Variants in TXLNA observed in about 807,000 individuals in gnomAD.
The protein encoded by TXLNA is taxilin alpha, also known as alpha-taxilin.
Under a neutral mutation model 61.4 loss-of-function variants are expected in TXLNA, and 9 were observed. The ratio of observed to expected loss-of-function variants is 0.15; its 90% CI spans 0.09 to 0.26. The LOEUF (loss-of-function observed/expected upper bound fraction) is 0.26. Among genes scored for constraint, TXLNA ranks in the 10% least tolerant of loss-of-function variants. TXLNA has a pLI of 1.00. For missense variants in TXLNA, 565 were observed against 688.8 expected, an observed-to-expected ratio of 0.82 and a Z score of 2.01; for synonymous variants, 257 against 267.7, an observed-to-expected ratio of 0.96 and a Z score of 0.39.
chr1:32,181,474 A>G lies in TXLNA; in HGVS notation c.402A>G (p.Glu134=). 1 of 1,613,020 alleles carries G rather than the reference A, an allele frequency of 6.2e-7. No homozygotes were observed. The highest frequency in any genetic ancestry group is 8.5e-7 in the Non-Finnish European group (1 of 1,179,540). ...EPTPVVNGEK[E]PSKGDPNTEE... is the part of the protein sequence containing the mutation. ...CTCCAGTAGTCAATGGAGAGAAGGA[A>G]CCCTCCAAGGGGGATCCAAACACAG... Residue 134 remains glutamate, a synonymous_variant, in exon 3 of 11, where the codon GAA becomes GAG. Transcript: ENST00000373610.
chr1:32,193,627 G>GC (rs1395279943), intron 9 of TXLNA, among the ~76,000 whole-genome samples: 4 of 151,976 alleles, frequency 2.6e-5, no homozygotes, highest in Admixed American at 6.6e-5. Flanking sequence ...TGCAGCCTTT[G>GC]CCCCCCGGGT....
chr1:32,187,877 C>A lies in TXLNA; in HGVS notation c.598-77C>A, dbSNP rs1373519666. The A allele has an allele frequency of 4.6e-6, 7 of 1,514,986 alleles. No individual in the cohort carries two copies. The African/African-American group carries it at 9.6e-5, about 21-fold the overall frequency. The allele number at this position is 1,514,986 out of a possible 1,614,324, so 93.8% of individuals were successfully genotyped here. The stretch of plus-strand genomic sequence containing the variant: ...TAAGGGTCAGGGCAGCTCAGGAGAC[C>A]CTAGACCTGCATAGTGATCCCCCCA... On this transcript the variant is annotated intron_variant, in intron 4 of 10. Coordinates refer to ENST00000373610, the MANE Select transcript of TXLNA (RefSeq NM_175852.4).
At chr1:32,183,959 G>A (rs545364035) in intron 3 of TXLNA, among the ~76,000 whole-genome samples, 1 of 151,548 alleles carries the variant, frequency 6.6e-6, no homozygotes, top group Non-Finnish European at 1.5e-5. Context: ...GGATGGTCTC[G>A]ATCTCTTGAC....
At chr1:32,188,329 T>G (rs1642833215) in intron 5 of TXLNA, among the ~76,000 whole-genome samples, 1 of 152,212 alleles carries the variant, frequency 6.6e-6, no homozygotes, top group Non-Finnish European at 1.5e-5. Flanking sequence ...CATTACAATT[T>G]CAACATGAAA....
chr1:32,180,111 C>T (rs1339120160), intron 1 of TXLNA: 4 of 490,964 alleles, frequency 8.1e-6, no homozygotes, highest in Admixed American at 3.9e-5. Context: ...CCCTCACCCG[C>T]TGTGGGAGCT....
In TXLNA at chr1:32,195,960, T is replaced by C. The variant is rs1031222334; in HGVS notation, c.*765T>C. 21 of 199,822 alleles carry C rather than the reference T, an allele frequency of 1.1e-4. No individual in the cohort carries two copies. The highest frequency in any genetic ancestry group is 4.5e-3 in the Middle Eastern group (2 of 440). The allele number at this position is 199,822 out of a possible 1,614,324, so 12.4% of individuals were successfully genotyped here. ...AAAGGATTATTTCTGAAGGTGTTTTTTTCTTTATTTCTTTTTCTTTTTTTT... is the reference window on the plus strand; with the variant it reads ...AAAGGATTATTTCTGAAGGTGTTTTCTTCTTTATTTCTTTTTCTTTTTTTT... On this transcript the variant is annotated 3_prime_UTR_variant, in exon 11 of 11. Coordinates refer to ENST00000373610, the MANE Select transcript of TXLNA (RefSeq NM_175852.4).
chr1:32,195,060 G>C lies in TXLNA; in HGVS notation c.1506G>C (p.Glu502Asp), dbSNP rs1162184748. ...GCTCCCTCACTGACAGTGGCCCTGA[G>C]AGGAGGCCAGAGGGGCCTGGGGCTC... is the stretch of plus-strand genomic sequence containing the variant. The part of the protein sequence containing the change: ...GQGSLTDSGP[E>D]RRPEGPGAQA... The change falls in exon 11 of 11, where the codon GAG becomes GAC. Residue 502 changes from glutamate to aspartate, a missense_variant. Glu to Asp is a conservative substitution (Grantham distance 45). Around this residue, in one of 2 missense-constraint regions of TXLNA, gnomAD observed 373 missense variants for 504.0 expected, o/e 0.74. Transcript: ENST00000373610. The C allele has an allele frequency of 6.2e-7, 1 of 1,614,174 alleles. No homozygotes were observed. Among genetic ancestry groups the C allele is most frequent in the Admixed American group, 1.7e-5 (1 of 60,034 alleles).
chr1:32,194,175 A>G lies in TXLNA; in HGVS notation c.1347+15A>G. 3 of 1,610,184 alleles carry G rather than the reference A, an allele frequency of 1.9e-6. No homozygotes were observed. Among genetic ancestry groups the G allele is most frequent in the Non-Finnish European group, 2.5e-6 (3 of 1,177,320 alleles). On this transcript the variant is annotated intron_variant, in intron 10 of 10. Transcript: ENST00000373610. Reference sequence around the variant, plus strand: ...TGGCTGAGGAGGTGGGCTGTCTGTGATCTGCAGCCAGGGTGGGGGTGTGCA... The same window carrying G: ...TGGCTGAGGAGGTGGGCTGTCTGTGGTCTGCAGCCAGGGTGGGGGTGTGCA...
chr1:32,186,592 A>C (rs1315537015), intron 4 of TXLNA, among the ~76,000 whole-genome samples: 1 of 152,182 alleles, frequency 6.6e-6, no homozygotes, highest in Non-Finnish European at 1.5e-5. Context: ...AGGGTGTAAG[A>C]AATCCAAGCC....
Position 32,192,665 on chromosome 1 carries a change from A to G in TXLNA, c.1092A>G (p.Lys364=). Residue 364 remains lysine, a synonymous_variant, in exon 8 of 11, where the codon AAA becomes AAG. Transcript: ENST00000373610. This position sits in a 1 kb window ranked among gnomAD's most constrained non-coding sequence, Gnocchi z 4.2. The part of the protein sequence containing the change: ...RHQREKDFLL[K]EAVESQRMCE... ...TTCTGTCTTGGAAATAGCTCCTGAA[A>G]GAGGCAGTAGAGTCCCAGAGGATGT... 6.2e-7 allele frequency: 1 copy of G among 1,614,206 alleles called. No individual in the cohort carries two copies.
At position 32,192,713 on chromosome 1, in the gene TXLNA, G is replaced by A. The variant is rs1328349755; in HGVS notation, c.1140G>A (p.Glu380=). 26 of 1,614,108 alleles carry A rather than the reference G, an allele frequency of 1.6e-5. No homozygotes were observed. Among genetic ancestry groups the A allele is most frequent in the Non-Finnish European group, 2.0e-5 (24 of 1,180,048 alleles). ...TGTGTGAGCTGATGAAGCAGCAAGA[G>A]ACCCACCTGAAGCAACAGGTGAGAG... ...QRMCELMKQQ[E]THLKQQLALY... Residue 380 remains glutamate (E), a synonymous_variant, in exon 8 of 11, where the codon GAG becomes GAA. Coordinates refer to ENST00000373610, the MANE Select transcript of TXLNA (RefSeq NM_175852.4). This position sits in a 1 kb window ranked among gnomAD's most constrained non-coding sequence, Gnocchi z 4.2.
chr1:32,181,723 A>T, intron 3 of TXLNA, 146 bp downstream of exon 3: 1 of 779,142 alleles, frequency 1.3e-6, no homozygotes, highest in Non-Finnish European at 2.0e-6. Flanking sequence ...AAAGCCAGGG[A>T]TGTGGGGGCC....
intron 4 of TXLNA, among the ~76,000 whole-genome samples, chr1:32,184,859 T>C (rs1642746181): frequency 6.6e-6 from 1 of 152,244 alleles, no homozygotes; most frequent in African/African-American, 2.4e-5. Context: ...AGAGCCCTTG[T>C]TCCTGGCCTG....
At position 32,195,003 on chromosome 1, in the gene TXLNA, G is replaced by A; in HGVS notation, c.1449G>A (p.Lys483=). Reference sequence around the variant, plus strand: ...AGACAGAGCGCAATGACCTGAACAAGAGGGTACAGGACCTGAGTGCTGGTG... The same window carrying A: ...AGACAGAGCGCAATGACCTGAACAAAAGGGTACAGGACCTGAGTGCTGGTG... ...ALQTERNDLN[K]RVQDLSAGGQ... Residue 483 remains lysine, a synonymous_variant, in exon 11 of 11, where the codon AAG becomes AAA. Transcript: ENST00000373610. 2.5e-6 allele frequency: 4 copies of A among 1,614,254 alleles called. No homozygotes were observed. Among genetic ancestry groups the A allele is most frequent in the Middle Eastern group, 3.3e-4 (2 of 6,062 alleles).
chr1:32,190,310 G>A, intron 6 of TXLNA, 61 bp downstream of exon 6: 2 of 1,492,982 alleles, frequency 1.3e-6, no homozygotes, highest in Non-Finnish European at 1.8e-6. Context: ...GTGTGTGCTA[G>A]GCACTGGGAC....
intron 6 of TXLNA, among the ~76,000 whole-genome samples, chr1:32,191,044 A>C (rs544050999): frequency 6.6e-6 from 1 of 151,204 alleles, no homozygotes. Flanking sequence ...CAATGAGCCA[A>C]GATTGTGCTA....
At position 32,197,971 on chromosome 1, in the gene TXLNA, G is replaced by C; in HGVS notation, c.*2776G>C. ...CTGAGGGCTGACCCGGAGGCCAGTGGAGCTGCCTGGTGTCCACGGGGGAGG... is the reference window on the plus strand; with the variant it reads ...CTGAGGGCTGACCCGGAGGCCAGTGCAGCTGCCTGGTGTCCACGGGGGAGG... On this transcript the variant is annotated 3_prime_UTR_variant, in exon 11 of 11. Transcript: ENST00000373610. The surrounding 1 kb of genome is among the most constrained non-coding windows in gnomAD (Gnocchi z 4.6). The C allele has an allele frequency of 6.6e-6, 1 of 152,576 alleles. No homozygotes were observed. The highest frequency in any genetic ancestry group is 3.4e-3 in the Middle Eastern group (1 of 296). 9.5% of individuals were successfully genotyped at this position (152,576 alleles called of 1,614,324 possible).
At position 32,195,549 on chromosome 1, in the gene TXLNA, G is replaced by C. The variant is rs745507110; in HGVS notation, c.*354G>C. On this transcript the variant is annotated 3_prime_UTR_variant, in exon 11 of 11. Transcript: ENST00000373610. ...AAGTGACTTGAGCATTTCTCTGTCT[G>C]ATTTGAGGCTCAGACCCCTCCCTGC... 1 of 423,082 alleles carries C rather than the reference G, an allele frequency of 2.4e-6. No homozygotes were observed. The allele number at this position is 423,082 out of a possible 1,614,324, so 26.2% of individuals were successfully genotyped here. A position where few individuals can be genotyped will look rare whatever the true frequency, so the allele number is the denominator to read the frequency against.
intron 5 of TXLNA, 82 bp downstream of exon 5, chr1:32,188,206 A>C: frequency 6.9e-7 from 1 of 1,439,504 alleles, no homozygotes; most frequent in Non-Finnish European, 9.3e-7. Context: ...TTCCTCTTAA[A>C]AAGTAGTGCA....
Sources: allele counts gnomAD v4.1 joint callset (sites outside exome capture counted in the v4.1 genomes callset), GRCh38; gene constraint gnomAD v4.1.1; regional missense constraint gnomAD v4.1.1; non-coding constraint Gnocchi (gnomAD v3.1); transcripts MANE v1.5; gene names NCBI Gene and HGNC (gene_info 2026-07-23, HGNC 2026-07-21).